The following LCOR variants were observed in gnomAD, a reference collection of about 807,000 sequenced individuals.
LCOR encodes ligand-dependent corepressor.
In LCOR, 14 loss-of-function variants were observed where a neutral mutation model predicts 64.4. The ratio of observed to expected loss-of-function variants is 0.22; its 90% CI spans 0.14 to 0.34. LCOR has a LOEUF of 0.34. LCOR is among the 10% of genes least tolerant of loss of function. The probability of loss-of-function intolerance (pLI) is 1.00; values close to 1 mark genes in which losing one functional copy is unlikely to be tolerated. For synonymous variants in LCOR, 643 were observed against 642.5 expected, an observed-to-expected ratio of 1.00 and a Z score of -0.01; for missense variants, 1,686 against 1,765.3, an observed-to-expected ratio of 0.96 and a Z score of 0.80.
chr10:96,857,308 A>G lies in LCOR; in HGVS notation c.-330+23829A>G, dbSNP rs530555882. Among the ~76,000 whole-genome samples, 112 of 152,286 alleles carry G rather than the reference A, an allele frequency of 7.4e-4. 1 individual carries two copies. The highest frequency in any genetic ancestry group is 2.6e-3 in the African/African-American group (109 of 41,574). The stretch of plus-strand genomic sequence containing the variant: ...ATCCATTCCCAAAGCCATCCCCTGT[A>G]CTTTTTTATTACTTGGAAATGTTAA... On this transcript the variant is annotated intron_variant, in intron 2 of 7. Coordinates refer to ENST00000421806, the MANE Select transcript of LCOR (RefSeq NM_001346516.2).
intron 2 of LCOR, among the ~76,000 whole-genome samples, chr10:96,899,741 GTATTCTTA>G (rs1418546386): frequency 5.9e-5 from 9 of 151,986 alleles, no homozygotes; most frequent in Admixed American, 2.0e-4. Context: ...AGTTTTGTGA[GTATTCTTA>G]TACAGGATGC....
At chr10:96,906,609 G>A (rs1400591172) in intron 2 of LCOR, among the ~76,000 whole-genome samples, 4 of 152,116 alleles carry the variant, frequency 2.6e-5, no homozygotes, top group Non-Finnish European at 4.4e-5. Context: ...CTGGTAGAAG[G>A]ACATAATAAT....
chr10:96,955,928 C>T (rs753613252), intron 7 of LCOR: 4 of 1,607,792 alleles, frequency 2.5e-6, no homozygotes, highest in Non-Finnish European at 3.4e-6. Context: ...AGTAGGAATA[C>T]TGTAGAGTGC....
intron 2 of LCOR, among the ~76,000 whole-genome samples, chr10:96,858,738 C>G (rs1407112614): frequency 2.0e-5 from 3 of 151,988 alleles, no homozygotes; most frequent in African/African-American, 4.8e-5. Context: ...TAAAATAACT[C>G]TGGGAGTTTC....
chr10:96,925,733 A>G (rs1847157269), intron 4 of LCOR, among the ~76,000 whole-genome samples: 1 of 152,184 alleles, frequency 6.6e-6, no homozygotes, highest in Non-Finnish European at 1.5e-5. Flanking sequence ...GTGGGGAGAT[A>G]CTTTGAGGCT....
chr10:96,944,748 A>T (rs1847557563), intron 5 of LCOR, among the ~76,000 whole-genome samples: 1 of 152,104 alleles, frequency 6.6e-6, no homozygotes, highest in African/African-American at 2.4e-5. Flanking sequence ...ATTATGTAGT[A>T]AAACTTTTCC....
At chr10:96,864,731 A>G (rs373068222) in intron 2 of LCOR, among the ~76,000 whole-genome samples, 1 of 152,186 alleles carries the variant, frequency 6.6e-6, no homozygotes, top group African/African-American at 2.4e-5. Context: ...GTGTTTAGGT[A>G]TGTTTAGATA....
At chr10:96,896,928 T>G (rs1387904524) in intron 2 of LCOR, among the ~76,000 whole-genome samples, 1 of 152,054 alleles carries the variant, frequency 6.6e-6, no homozygotes, top group East Asian at 1.9e-4. Flanking sequence ...CCCTAAGAAC[T>G]TTCAAAGTTT....
rs1325441015 is a variant in LCOR at position 96,982,244 on chromosome 10, C to T, written c.1784C>T (p.Pro595Leu). 6.2e-7 allele frequency: 1 copy of T among 1,614,168 alleles called. No individual in the cohort carries two copies. The highest frequency in any genetic ancestry group is 1.1e-5 in the South Asian group (1 of 91,084). ...GAACCTCAAGAGCCTGAGGTTTGCC[C>T]CACAAAGATTAAGCCGAACCTGAGC... ...RKEPQEPEVC[P>L]TKIKPNLSSS... The change falls in exon 8 of 8, where the codon CCC becomes CTC. Residue 595 changes from proline to leucine, a missense_variant. Physicochemically the swap from Pro to Leu is moderately conservative, Grantham distance 98. Transcript: ENST00000421806.
At chr10:96,865,209 A>G (rs1845950841) in intron 2 of LCOR, among the ~76,000 whole-genome samples, 1 of 152,136 alleles carries the variant, frequency 6.6e-6, no homozygotes, top group Non-Finnish European at 1.5e-5. Flanking sequence ...TCGTCTCACC[A>G]TTTGATGTAC....
At chr10:96,864,877 A>G (rs538136225) in intron 2 of LCOR, among the ~76,000 whole-genome samples, 25 of 152,274 alleles carry the variant, frequency 1.6e-4, no homozygotes, top group Non-Finnish European at 1.6e-4. Flanking sequence ...ACACCCTATG[A>G]TGTTCACACA....
At chr10:96,967,402 G>A (rs1847961180) in intron 7 of LCOR, among the ~76,000 whole-genome samples, 1 of 152,158 alleles carries the variant, frequency 6.6e-6, no homozygotes, top group Admixed American at 6.5e-5. Flanking sequence ...AAAGTGCTGG[G>A]ATTACAAGTA....
rs148357380 is a variant in LCOR at position 96,889,430 on chromosome 10, T to C, written c.-329-17835T>C. Among the ~76,000 whole-genome samples, 45 of 152,324 alleles carry C rather than the reference T, an allele frequency of 3.0e-4. 1 individual carries two copies. In the East Asian group the frequency reaches 7.7e-3, roughly 26 times the overall value. ...AAGTACAGATCAAGGTCCGGCAGTG[T>C]TGGTTTCTGCTGAGGCCTCTCCTCC... On this transcript the variant is annotated intron_variant, in intron 2 of 7. Coordinates refer to ENST00000421806, the MANE Select transcript of LCOR (RefSeq NM_001346516.2).
At chr10:96,964,969 GA>G (rs1458288051) in intron 7 of LCOR, among the ~76,000 whole-genome samples, 2 of 151,822 alleles carry the variant, frequency 1.3e-5, no homozygotes, top group African/African-American at 2.4e-5. Flanking sequence ...CCTTTTACCA[GA>G]ACACATAAAG....
intron 2 of LCOR, among the ~76,000 whole-genome samples, chr10:96,876,031 A>G (rs1423519425): frequency 2.0e-5 from 3 of 151,006 alleles, no homozygotes; most frequent in African/African-American, 7.4e-5. Context: ...AAAAAAAGTA[A>G]AAGAAGTAGA....
At chr10:96,877,212 C>G (rs765344040) in intron 2 of LCOR, among the ~76,000 whole-genome samples, 3 of 152,032 alleles carry the variant, frequency 2.0e-5, no homozygotes, top group Admixed American at 2.0e-4. Context: ...CAACAAAAAT[C>G]CAGGAGTTCA....
chr10:96,920,544 A>ATTCAGATATATGTGTATATATGTATG (rs1564626170), intron 4 of LCOR, among the ~76,000 whole-genome samples: 3 of 137,532 alleles, frequency 2.2e-5, no homozygotes, highest in African/African-American at 9.3e-5. Flanking sequence ...ATGTATGTAT[A>ATTCAGATATATGTGTATATATGTATG]TTCATATATA....
At chr10:96,876,321 C>A (rs183796621) in intron 2 of LCOR, among the ~76,000 whole-genome samples, 7 of 152,274 alleles carry the variant, frequency 4.6e-5, no homozygotes, top group Admixed American at 3.9e-4. Context: ...ACCCTGATGA[C>A]CTTACTTAAT....
chr10:96,832,707 G>C (rs1343151914), intron 1 of LCOR, among the ~76,000 whole-genome samples: 1 of 147,422 alleles, frequency 6.8e-6, no homozygotes, highest in South Asian at 2.2e-4. Context: ...CTCCCTCCCC[G>C]CTCCCGCCCC....
Sources: gnomAD v4.1 joint callset for allele counts (sites outside exome capture counted in the v4.1 genomes callset) on GRCh38, gnomAD v4.1.1 for gene constraint, MANE v1.5 for transcripts, NCBI Gene and HGNC (gene_info 2026-07-23, HGNC 2026-07-21) for gene names.